SHOC2: variants seen among roughly 807,000 people sequenced by gnomAD.
SHOC2 encodes the protein SHOC2 leucine rich repeat scaffold protein.
In SHOC2, 4 loss-of-function variants were observed where a neutral mutation model predicts 50.2. The observed-to-expected ratio is 0.08, with a 90% CI of 0.04 to 0.18. The LOEUF (loss-of-function observed/expected upper bound fraction) is 0.18. Among genes scored for constraint, SHOC2 ranks in the 10% least tolerant of loss-of-function variants. The pLI, the probability that SHOC2 is intolerant of heterozygous loss-of-function variation, is 1.00. For missense variants in SHOC2, 388 were observed against 669.6 expected, an observed-to-expected ratio of 0.58 and a Z score of 4.64; for synonymous variants, 218 against 244.5, an observed-to-expected ratio of 0.89 and a Z score of 1.01.
intron 1 of SHOC2, among the ~76,000 whole-genome samples, chr10:110,960,067 CTT>C (rs2134115609): frequency 6.6e-6 from 1 of 152,318 alleles, no homozygotes; most frequent in South Asian, 2.1e-4. Flanking sequence ...TTTTTTACTT[CTT>C]GTGTCCAATT....
intron 8 of SHOC2, among the ~76,000 whole-genome samples, chr10:111,010,631 T>C (rs532315521): frequency 6.6e-6 from 1 of 152,122 alleles, no homozygotes; most frequent in Non-Finnish European, 1.5e-5. Flanking sequence ...TGTATACATA[T>C]GTAACAAACC....
chr10:110,939,020 A>C (rs1182091266), intron 1 of SHOC2, among the ~76,000 whole-genome samples: 45 of 152,214 alleles, frequency 3.0e-4, no homozygotes, highest in Non-Finnish European at 5.9e-5. Context: ...TGTATTAAAC[A>C]TCAAAAATTG....
chr10:110,971,588 A>G (rs1847783910), intron 2 of SHOC2, among the ~76,000 whole-genome samples: 1 of 151,798 alleles, frequency 6.6e-6, no homozygotes, highest in Non-Finnish European at 1.5e-5. Context: ...TAAGAATGTC[A>G]TTGGCATTTT....
intron 1 of SHOC2, among the ~76,000 whole-genome samples, chr10:110,953,826 A>G (rs1007727889): frequency 2.0e-5 from 3 of 151,740 alleles, no homozygotes; most frequent in Admixed American, 2.0e-4. Flanking sequence ...GGAATAGAAA[A>G]GGAAATATAC....
chr10:110,962,478 T>C (rs534071033), intron 1 of SHOC2, among the ~76,000 whole-genome samples: 1 of 152,314 alleles, frequency 6.6e-6, no homozygotes, highest in African/African-American at 2.4e-5. Flanking sequence ...TCTTTTTTTT[T>C]GAAAGGGTTG....
chr10:110,959,506 C>T (rs890429817), intron 1 of SHOC2, among the ~76,000 whole-genome samples: 1 of 152,152 alleles, frequency 6.6e-6, no homozygotes, highest in African/African-American at 2.4e-5. Context: ...CTACAAAATT[C>T]CAAAATACTG....
At chr10:110,994,576 G>A (rs977006563) in intron 3 of SHOC2, among the ~76,000 whole-genome samples, 4 of 152,020 alleles carry the variant, frequency 2.6e-5, no homozygotes, top group African/African-American at 4.8e-5. Flanking sequence ...AATAGAATGA[G>A]GTATATCTGT....
chr10:110,924,114 T>C (rs1846708601), intron 1 of SHOC2, among the ~76,000 whole-genome samples: 1 of 152,212 alleles, frequency 6.6e-6, no homozygotes, highest in African/African-American at 2.4e-5. Flanking sequence ...TTTTCAATTT[T>C]GTTCTATAAA....
chr10:110,968,134 A>G (rs372637835), intron 2 of SHOC2, among the ~76,000 whole-genome samples: 1 of 152,136 alleles, frequency 6.6e-6, no homozygotes, highest in Non-Finnish European at 1.5e-5. Flanking sequence ...CCTTGTTATT[A>G]TCCGTCTTTT....
chr10:110,957,830 T>C (rs1020818043), intron 1 of SHOC2, among the ~76,000 whole-genome samples: 3 of 152,228 alleles, frequency 2.0e-5, no homozygotes, highest in Non-Finnish European at 4.4e-5. Context: ...CTCTGGTCTA[T>C]GTCCTCATAC....
At chr10:110,985,202 G>C (rs1317607500) in intron 2 of SHOC2, among the ~76,000 whole-genome samples, 2 of 152,056 alleles carry the variant, frequency 1.3e-5, no homozygotes, top group Non-Finnish European at 2.9e-5. Flanking sequence ...CCCTCAAACT[G>C]AACTCAAGGT....
chr10:110,965,159 A>G (rs1847649198), intron 2 of SHOC2, 98 bp downstream of exon 2: 2 of 1,037,352 alleles, frequency 1.9e-6, no homozygotes, highest in African/African-American at 1.6e-5. Context: ...TTGCCTAAAA[A>G]CAGCTTATTT....
At chr10:111,007,937 AT>A (rs1173781003) in intron 6 of SHOC2, among the ~76,000 whole-genome samples, 1 of 151,678 alleles carries the variant, frequency 6.6e-6, no homozygotes, top group African/African-American at 2.4e-5. Flanking sequence ...TTTTAGAACA[AT>A]TTTTTTCTTT....
intron 1 of SHOC2, among the ~76,000 whole-genome samples, chr10:110,954,956 G>C (rs1847430541): frequency 6.6e-6 from 1 of 152,106 alleles, no homozygotes; most frequent in South Asian, 2.1e-4. Flanking sequence ...TGAAGAGACA[G>C]GCAGGGAAAC....
chr10:110,975,310 C>T (rs1045561766), intron 2 of SHOC2, among the ~76,000 whole-genome samples: 2 of 152,100 alleles, frequency 1.3e-5, no homozygotes, highest in African/African-American at 2.4e-5. Context: ...TGCCTGTGAC[C>T]ACGCCCGGCT....
intron 4 of SHOC2, among the ~76,000 whole-genome samples, chr10:111,001,746 T>C (rs923388474): frequency 3.3e-5 from 5 of 152,136 alleles, no homozygotes; most frequent in African/African-American, 1.2e-4. Context: ...AAGGGTTCTT[T>C]AATAAGGTCA....
intron 1 of SHOC2, among the ~76,000 whole-genome samples, chr10:110,962,620 G>C (rs926753679): frequency 6.6e-6 from 1 of 152,124 alleles, no homozygotes; most frequent in South Asian, 2.1e-4. Context: ...CTCTACCCCA[G>C]TTCCTGTTAT....
chr10:110,980,557 TTTTA>T (rs746221073), intron 2 of SHOC2, among the ~76,000 whole-genome samples: 14 of 152,186 alleles, frequency 9.2e-5, no homozygotes, highest in Non-Finnish European at 1.8e-4. Context: ...GCTCTGTGTT[TTTTA>T]TTTGTCTTTC....
At chr10:110,938,141 A>G (rs1378201914) in intron 1 of SHOC2, among the ~76,000 whole-genome samples, 7 of 152,142 alleles carry the variant, frequency 4.6e-5, no homozygotes, top group Non-Finnish European at 7.4e-5. Flanking sequence ...AATTGGTCCT[A>G]TATGTTAAAA....
Sources: gnomAD v4.1 joint callset for allele counts (sites outside exome capture counted in the v4.1 genomes callset) on GRCh38, gnomAD v4.1.1 for gene constraint, MANE v1.5 for transcripts, NCBI Gene and HGNC (gene_info 2026-07-23, HGNC 2026-07-21) for gene names.